AGAP1: variants seen among roughly 807,000 people sequenced by gnomAD.
AGAP1 encodes the protein ArfGAP with GTPase domain, ankyrin repeat and PH domain 1, also known as arf-GAP with GTPase, ANK repeat and PH domain-containing protein 1.
Under a neutral mutation model 105.3 loss-of-function variants are expected in AGAP1, and 29 were observed. The observed-to-expected ratio is 0.28, with a 90% CI of 0.21 to 0.38. The LOEUF is 0.38. Ranked by LOEUF, AGAP1 falls within the 10% of genes least tolerant of loss-of-function variation. AGAP1 has a pLI of 1.00. For missense variants in AGAP1, 998 were observed against 1,165.1 expected (o/e 0.86, Z 2.09); for synonymous variants, 509 against 485.9 (o/e 1.05, Z -0.63).
At chr2:235,808,213 T>C (rs913385303) in intron 9 of AGAP1, among the ~76,000 whole-genome samples, 1 of 152,220 alleles carries the variant, frequency 6.6e-6, no homozygotes, top group African/African-American at 2.4e-5. Context: ...GAAGCCTCTG[T>C]GGGCAGGAGA....
chr2:235,797,706 C>T, intron 6 of AGAP1, 53 bp from the exon 7 acceptor site: 1 of 1,611,314 alleles, frequency 6.2e-7, no homozygotes, highest in South Asian at 1.1e-5. Flanking sequence ...TGCTCTGTTC[C>T]TGAATTTGGA....
chr2:235,730,021 A>G (rs1951856722), intron 3 of AGAP1, among the ~76,000 whole-genome samples: 1 of 152,116 alleles, frequency 6.6e-6, no homozygotes. Flanking sequence ...TAGTTTCTCC[A>G]TGCAGGCTCA....
chr2:235,495,086 A>G (rs185407622), intron 1 of AGAP1, among the ~76,000 whole-genome samples: 58 of 152,272 alleles, frequency 3.8e-4, no homozygotes, highest in African/African-American at 1.3e-3. Context: ...ATCGTGGACA[A>G]TAGAGTCTCT....
rs377422886 is a variant in AGAP1, at chr2:235,949,794, C to T, written c.1484-18668C>T. ...CCCAGCCACGCCGCACCCCCGAGCACGTGGACCCTGTGCTCGTCTCTGATC... is the reference window on the plus strand; with the variant it reads ...CCCAGCCACGCCGCACCCCCGAGCATGTGGACCCTGTGCTCGTCTCTGATC... On this transcript the variant is annotated intron_variant, in intron 12 of 17. Transcript: ENST00000304032. Among the ~76,000 whole-genome samples, 424 of 152,316 alleles carry T rather than the reference C, an allele frequency of 2.8e-3. 2 individuals carry two copies. The highest frequency in any genetic ancestry group is 4.4e-3 in the Non-Finnish European group (301 of 68,024).
intron 10 of AGAP1, among the ~76,000 whole-genome samples, chr2:235,896,970 C>G (rs1288814600): frequency 6.6e-6 from 1 of 152,182 alleles, no homozygotes; most frequent in Non-Finnish European, 1.5e-5. Context: ...CGAAAGCTAT[C>G]CTCACGACAT....
intron 1 of AGAP1, among the ~76,000 whole-genome samples, chr2:235,678,715 T>C (rs1948892742): frequency 6.6e-6 from 1 of 152,144 alleles, no homozygotes; most frequent in Admixed American, 6.6e-5. Context: ...CTTTGGACTG[T>C]CCTCCTGCCT....
At chr2:235,778,259 A>G (rs1956029912) in intron 6 of AGAP1, among the ~76,000 whole-genome samples, 1 of 152,142 alleles carries the variant, frequency 6.6e-6, no homozygotes, top group Non-Finnish European at 1.5e-5. Context: ...CCCTGGCCCC[A>G]GCCACCATCG....
chr2:235,867,835 G>A lies in AGAP1; in HGVS notation c.1051-15510G>A, dbSNP rs985150851. On this transcript the variant is annotated intron_variant, in intron 9 of 17. Transcript: ENST00000304032. This position sits in a 1 kb window ranked among gnomAD's most constrained non-coding sequence, Gnocchi z 5.4. ...GAATAGGTCACAGCTTGTATGACCC[G>A]TGTGCTTCTCCAGTTTCCAATGATG... Among the ~76,000 whole-genome samples the A allele has an allele frequency of 7.9e-5, 12 of 152,190 alleles. No homozygotes were observed. Among genetic ancestry groups the A allele is most frequent in the East Asian group, 1.9e-4 (1 of 5,186 alleles).
intron 16 of AGAP1, among the ~76,000 whole-genome samples, chr2:236,075,160 G>A (rs2058603089): frequency 1.3e-5 from 2 of 152,184 alleles, no homozygotes; most frequent in Non-Finnish European, 2.9e-5. Context: ...GGTTGCGTCG[G>A]TGTGGAAAGG....
At chr2:235,585,075 T>A (rs770503759) in intron 1 of AGAP1, among the ~76,000 whole-genome samples, 1 of 152,068 alleles carries the variant, frequency 6.6e-6, no homozygotes, top group Non-Finnish European at 1.5e-5. Context: ...CTCTGGCCTT[T>A]TTCTTTAGCT....
intron 1 of AGAP1, chr2:235,507,349 G>C (rs922371486): frequency 1.3e-5 from 2 of 152,540 alleles, no homozygotes; most frequent in Non-Finnish European, 2.9e-5. Context: ...TGGTGATGGC[G>C]GGGGAGCGCT....
intron 1 of AGAP1, among the ~76,000 whole-genome samples, chr2:235,529,643 C>T (rs1226447249): frequency 6.6e-6 from 1 of 152,238 alleles, no homozygotes; most frequent in African/African-American, 2.4e-5. Context: ...GAGGTTATTT[C>T]ATGACTGTAT....
At chr2:236,110,512 A>G (rs765888952) in intron 16 of AGAP1, among the ~76,000 whole-genome samples, 3 of 152,036 alleles carry the variant, frequency 2.0e-5, no homozygotes, top group Admixed American at 6.6e-5. Context: ...GCAGTGAGCT[A>G]TGATTGCGCC....
intron 10 of AGAP1, among the ~76,000 whole-genome samples, chr2:235,884,125 A>C (rs7426112): frequency 0.46 from 69,335 of 151,724 alleles, 16,406 homozygotes; most frequent in South Asian, 0.73. Flanking sequence ...TTCATAGCAA[A>C]CCATTCCATA....
rs1443991531 is a variant in AGAP1, at chr2:236,027,591, C to A, written c.1646-8970C>A. Among the ~76,000 whole-genome samples, 2 of 152,134 alleles carry A rather than the reference C, an allele frequency of 1.3e-5. No individual in the cohort carries two copies. The highest frequency in any genetic ancestry group is 2.9e-5 in the Non-Finnish European group (2 of 68,032). On this transcript the variant is annotated intron_variant, in intron 13 of 17. Transcript: ENST00000304032. The surrounding 1 kb of genome is among the most constrained non-coding windows in gnomAD (Gnocchi z 4.4). ...TTTGCATCACAGTTCAGCCCTGGTC[C>A]CCATCAGCACAGCCTGCCTGGGAGA...
chr2:235,819,597 C>T (rs879900196), intron 9 of AGAP1, among the ~76,000 whole-genome samples: 2 of 152,114 alleles, frequency 1.3e-5, no homozygotes, highest in Admixed American at 1.3e-4. Flanking sequence ...TTTTCCTAGC[C>T]GTGAGGCCCG....
chr2:235,857,424 A>G (rs2048731862), intron 9 of AGAP1, among the ~76,000 whole-genome samples: 1 of 152,138 alleles, frequency 6.6e-6, no homozygotes, highest in Admixed American at 6.5e-5. Flanking sequence ...AGATCCTTTG[A>G]CGAGCGTCCC....
intron 1 of AGAP1, among the ~76,000 whole-genome samples, chr2:235,638,215 A>G (rs529474231): frequency 6.6e-6 from 1 of 151,858 alleles, no homozygotes; most frequent in African/African-American, 2.4e-5. Context: ...GCCTGGGTAT[A>G]CTCCTCCCAT....
intron 1 of AGAP1, among the ~76,000 whole-genome samples, chr2:235,563,607 T>C (rs576964633): frequency 8.8e-5 from 13 of 147,332 alleles, no homozygotes; most frequent in African/African-American, 3.2e-4. Context: ...GTGGGGGGAC[T>C]TGGATTGTTA....
Sources: allele counts gnomAD v4.1 joint callset (sites outside exome capture counted in the v4.1 genomes callset), GRCh38; gene constraint gnomAD v4.1.1; non-coding constraint Gnocchi (gnomAD v3.1); transcripts MANE v1.5; gene names NCBI Gene and HGNC (gene_info 2026-07-23, HGNC 2026-07-21).